PPP1R16A: variants seen among roughly 807,000 people sequenced by gnomAD.
PPP1R16A encodes the protein protein phosphatase 1 regulatory subunit 16A.
A neutral mutation model predicts 46.6 loss-of-function variants in PPP1R16A; 39 were observed. The ratio of observed to expected loss-of-function variants is 0.84; its 90% CI spans 0.65 to 1.09. The LOEUF is 1.09. Among genes scored for constraint, PPP1R16A ranks in the 50% least tolerant of loss-of-function variants. The pLI is 0.00. For synonymous variants in PPP1R16A, 413 were observed against 321.5 expected, an observed-to-expected ratio of 1.28 and a Z score of -3.04; for missense variants, 798 against 735.6, an observed-to-expected ratio of 1.08 and a Z score of -0.98.
In PPP1R16A at chr8:144,478,021, A is replaced by C. The variant is rs1825243810; in HGVS notation, c.-1020A>C. The C allele has an allele frequency of 5.1e-6, 2 of 393,542 alleles. No individual in the cohort carries two copies. The highest frequency in any genetic ancestry group is 9.0e-6 in the Non-Finnish European group (2 of 222,858). 24.4% of individuals were successfully genotyped at this position (393,542 alleles called of 1,614,324 possible). ...CCGGAAGTGTAGCGTTGCCATGGCG[A>C]GGGCCGGGTGCGGGGCCCGCCCCCG... On this transcript the variant is annotated 5_prime_UTR_variant, in exon 1 of 12. Coordinates refer to ENST00000435887, the MANE Select transcript of PPP1R16A (RefSeq NM_001329443.2).
In PPP1R16A at chr8:144,502,090, C is replaced by T. The variant is rs897674903; in HGVS notation, c.*187C>T. ...GGCTGCAAAGACTATTTTTATCCTG[C>T]AACTCTTGATAAAGGGCTGTTTTGC... On this transcript the variant is annotated 3_prime_UTR_variant, in exon 12 of 12. Transcript: ENST00000435887. 8.6e-6 allele frequency: 5 copies of T among 582,302 alleles called. No homozygotes were observed. Among genetic ancestry groups the T allele is most frequent in the African/African-American group, 5.7e-5 (3 of 53,046 alleles). 36.1% of individuals were successfully genotyped at this position (582,302 alleles called of 1,614,324 possible). A position where few individuals can be genotyped will look rare whatever the true frequency, so the allele number is the denominator to read the frequency against.
Position 144,501,234 on chromosome 8 carries a change from G to C in PPP1R16A, c.1143G>C (p.Glu381Asp), listed in dbSNP as rs752383291. The C allele has an allele frequency of 3.1e-6, 5 of 1,606,066 alleles. No homozygotes were observed. The highest frequency in any genetic ancestry group is 4.2e-6 in the Non-Finnish European group (5 of 1,179,080). Residue 381 changes from glutamate to aspartate, a missense_variant, in exon 11 of 12, where the codon GAG becomes GAC. Coordinates refer to ENST00000435887, the MANE Select transcript of PPP1R16A (RefSeq NM_001329443.2). Reference protein sequence around the residue: ...VWQQPPPTSPEPPEDNDDRQT... With the variant: ...VWQQPPPTSPDPPEDNDDRQT... ...AACAGCCGCCGCCCACCAGCCCGGAGCCGCCCGAGGACAACGATGACCGCC... is the reference window on the plus strand; with the variant it reads ...AACAGCCGCCGCCCACCAGCCCGGACCCGCCCGAGGACAACGATGACCGCC...
At chr8:144,491,573 C>T (rs1453748783) in intron 2 of PPP1R16A, among the ~76,000 whole-genome samples, 1 of 152,134 alleles carries the variant, frequency 6.6e-6, no homozygotes, top group Non-Finnish European at 1.5e-5. Context: ...ACTATCCTGG[C>T]TAACACGGTG....
At position 144,500,593 on chromosome 8, in the gene PPP1R16A, C is replaced by T; in HGVS notation, c.812C>T (p.Ala271Val). 6.3e-7 allele frequency: 1 copy of T among 1,599,816 alleles called. No homozygotes were observed. The highest frequency in any genetic ancestry group is 8.5e-7 in the Non-Finnish European group (1 of 1,179,060). Residue 271 changes from alanine to valine, a missense_variant, in exon 8 of 12, where the codon GCC (alanine) becomes GTC (valine). Physicochemically the swap from Ala to Val is moderately conservative, Grantham distance 64 (BLOSUM62 0). Transcript: ENST00000435887. ...CAAGACGGCTGGGAGCCGCTGCACG[C>T]CGCGGCCTACTGGGGCCAGGTGAGT... ...KDQDGWEPLH[A>V]AAYWGQVPLV...
chr8:144,499,197 C>G (rs1826265865), intron 5 of PPP1R16A, 136 bp downstream of exon 5: 19 of 1,182,954 alleles, frequency 1.6e-5, no homozygotes, highest in Non-Finnish European at 2.0e-5. Context: ...TGCCTGTGTC[C>G]TGGCATGGAG....
In PPP1R16A at chr8:144,500,716, G is replaced by C. The variant is rs1223705169; in HGVS notation, c.862G>C (p.Gly288Arg). The change falls in exon 9 of 12, where the codon GGG becomes CGG. Residue 288 changes from glycine to arginine, a missense_variant. Transcript: ENST00000435887. ...VPLVELLVAH[G>R]ADLNAKSLMD... ...CCTGGTGGAGCTGCTCGTGGCGCAC[G>C]GGGCCGACCTGAACGCAAAGTCCCT... is the stretch of plus-strand genomic sequence containing the variant. 1 of 1,611,630 alleles carries C rather than the reference G, an allele frequency of 6.2e-7. No homozygotes were observed. Among genetic ancestry groups the C allele is most frequent in the Non-Finnish European group, 8.5e-7 (1 of 1,179,670 alleles).
At position 144,481,126 on chromosome 8, in the gene PPP1R16A, G is replaced by C. The variant is rs1027826353; in HGVS notation, c.-914+2999G>C. On this transcript the variant is annotated intron_variant, in intron 1 of 11. Transcript: ENST00000435887. ...AGGATGGTCTCGATCTCCTGACCTC[G>C]TGATCCGCCCGCCTCGGCCTCCCAA... Among the ~76,000 whole-genome samples, 8 of 148,398 alleles carry C rather than the reference G, an allele frequency of 5.4e-5. No homozygotes were observed. In the East Asian group the frequency reaches 1.5e-3, roughly 27 times the overall value.
Position 144,500,402 on chromosome 8 carries a change from G to T in PPP1R16A, c.705+11G>T, listed in dbSNP as rs1480645419. On this transcript the variant is annotated intron_variant, in intron 7 of 11. Transcript: ENST00000435887. ...CACGGGGCCACGCTGGTGAGGGCTG[G>T]GGGGTGAGGGGCACACGGGGCTGGG... The T allele has an allele frequency of 4.6e-6, 7 of 1,520,894 alleles. No homozygotes were observed. Among genetic ancestry groups the T allele is most frequent in the Non-Finnish European group, 6.1e-6 (7 of 1,138,788 alleles). The allele number at this position is 1,520,894 out of a possible 1,614,324, so 94.2% of individuals were successfully genotyped here.
chr8:144,497,793 C>G lies in PPP1R16A; in HGVS notation c.259+340C>G, dbSNP rs559294308. 4 of 434,288 alleles carry G rather than the reference C, an allele frequency of 9.2e-6. 1 individual carries two copies. The highest frequency in any genetic ancestry group is 1.7e-5 in the Non-Finnish European group (4 of 229,654). 26.9% of individuals were successfully genotyped at this position (434,288 alleles called of 1,614,324 possible). On this transcript the variant is annotated intron_variant, in intron 3 of 11. Coordinates refer to ENST00000435887, the MANE Select transcript of PPP1R16A (RefSeq NM_001329443.2). ...GGGGCCCCACGGGAGCAGGGGTGGCCGGTAGTCATTGCTGCTTCTTGTTAG... is the reference window on the plus strand; with the variant it reads ...GGGGCCCCACGGGAGCAGGGGTGGCGGGTAGTCATTGCTGCTTCTTGTTAG...
intron 11 of PPP1R16A, 30 bp downstream of exon 11, chr8:144,501,324 G>A (rs771514065): frequency 1.6e-5 from 25 of 1,544,448 alleles, no homozygotes; most frequent in African/African-American, 4.1e-5. Context: ...TCCGCCCAGC[G>A]CAGGGGTGGG....
chr8:144,488,919 C>T (rs114498070), intron 1 of PPP1R16A, among the ~76,000 whole-genome samples: 2,753 of 151,702 alleles, frequency 0.018, 85 homozygotes, highest in African/African-American at 0.059. Context: ...GAAGCCCCCT[C>T]CTGGCCTGGT....
chr8:144,498,813 C>T lies in PPP1R16A; in HGVS notation c.303C>T (p.Asn101=), dbSNP rs199683628. The change falls in exon 4 of 12, where the codon AAC becomes AAT. Residue 101 remains asparagine, a synonymous_variant. Coordinates refer to ENST00000435887, the MANE Select transcript of PPP1R16A (RefSeq NM_001329443.2). Reference sequence around the variant, plus strand: ...GTGGGGTCAGCCCTGACTTGGCCAACGAGGACGGCCTGACGGCCCTGCACC... The same window carrying T: ...GTGGGGTCAGCCCTGACTTGGCCAATGAGGACGGCCTGACGGCCCTGCACC... ...LGSGVSPDLA[N]EDGLTALHQC... The T allele has an allele frequency of 5.4e-5, 87 of 1,604,578 alleles. No homozygotes were observed. Among genetic ancestry groups the T allele is most frequent in the African/African-American group, 1.3e-4 (10 of 74,964 alleles).
chr8:144,483,965 G>C (rs1463363385), intron 1 of PPP1R16A, among the ~76,000 whole-genome samples: 2 of 152,196 alleles, frequency 1.3e-5, no homozygotes, highest in East Asian at 3.8e-4. Flanking sequence ...TGTGCTGGCT[G>C]ACTGTGAGCT....
intron 11 of PPP1R16A, 77 bp downstream of exon 11, chr8:144,501,371 C>A: frequency 6.7e-7 from 1 of 1,500,534 alleles, no homozygotes; most frequent in Non-Finnish European, 8.9e-7. Flanking sequence ...GCTTGGACCC[C>A]CTCCTGCCTG....
chr8:144,500,215 C>CGGCTGTGGGAG lies in PPP1R16A; in HGVS notation c.580+22_580+32dup. On this transcript the variant is annotated intron_variant, in intron 6 of 11. Transcript: ENST00000435887. ...GCCGACCGTGGTAGGTGCGGCGGTG[C>CGGCTGTGGGAG]GGCTGTGGGAGGGCTGCCGGTCGCG... is the stretch of plus-strand genomic sequence containing the variant. The CGGCTGTGGGAG allele has an allele frequency of 6.3e-7, 1 of 1,594,954 alleles. No individual in the cohort carries two copies. Among genetic ancestry groups the CGGCTGTGGGAG allele is most frequent in the Non-Finnish European group, 8.5e-7 (1 of 1,171,682 alleles).
chr8:144,499,375 G>A, intron 5 of PPP1R16A: 1 of 386,236 alleles, frequency 2.6e-6, no homozygotes, highest in East Asian at 4.3e-5. Context: ...AAGGAGGGAA[G>A]CAGAGTGAGG....
Position 144,500,344 on chromosome 8 carries a change from C to T in PPP1R16A, c.658C>T (p.Gln220Ter). ...GCTGGACGACATCCGGAGCCGGCTG[C>T]AGGCCGGGGCAGACCTCCATGCCCC... ...RMLDDIRSRLQAGADLHAPLD... is the reference protein window; with the variant it reads ...RMLDDIRSRL Residue 220 changes from glutamine (Q) to a stop codon, truncating the protein, a stop_gained, in exon 7 of 12, where the codon CAG becomes TAG. Coordinates refer to ENST00000435887, the MANE Select transcript of PPP1R16A (RefSeq NM_001329443.2). LOFTEE classifies it high-confidence loss of function. 6.5e-7 allele frequency: 1 copy of T among 1,535,768 alleles called. No individual in the cohort carries two copies.
At position 144,497,128 on chromosome 8, in the gene PPP1R16A, C is replaced by T. The variant is rs1394721301; in HGVS notation, c.-67C>T. The T allele has an allele frequency of 5.9e-6, 9 of 1,533,188 alleles. No homozygotes were observed. The South Asian group carries it at 9.6e-5, about 16-fold the overall frequency. The allele number at this position is 1,533,188 out of a possible 1,614,324, so 95.0% of individuals were successfully genotyped here. A position where few individuals can be genotyped will look rare whatever the true frequency, so the allele number is the denominator to read the frequency against. Reference sequence around the variant, plus strand: ...CCAGCTAGCTGCCCCACCCCTCAGGCCCAGCCTGGCCCCCAAGCTCCCCAC... The same window carrying T: ...CCAGCTAGCTGCCCCACCCCTCAGGTCCAGCCTGGCCCCCAAGCTCCCCAC... On this transcript the variant is annotated 5_prime_UTR_variant, in exon 3 of 12. Coordinates refer to ENST00000435887, the MANE Select transcript of PPP1R16A (RefSeq NM_001329443.2).
At chr8:144,484,411 C>G (rs953711799) in intron 1 of PPP1R16A, among the ~76,000 whole-genome samples, 2 of 152,206 alleles carry the variant, frequency 1.3e-5, no homozygotes, top group Non-Finnish European at 2.9e-5. Flanking sequence ...GCTTGTGGCC[C>G]TGGCTTCTAG....
Sources: allele counts gnomAD v4.1 joint callset (sites outside exome capture counted in the v4.1 genomes callset), GRCh38; gene constraint gnomAD v4.1.1; transcripts MANE v1.5; gene names NCBI Gene and HGNC (gene_info 2026-07-23, HGNC 2026-07-21).